PITPNB: variants seen among roughly 807,000 people sequenced by gnomAD.
PITPNB encodes phosphatidylinositol transfer protein beta isoform.
PITPNB carries 16 observed loss-of-function variants against 45.9 expected under a neutral mutation model. The ratio of observed to expected loss-of-function variants is 0.35; its 90% CI spans 0.24 to 0.53. The LOEUF (loss-of-function observed/expected upper bound fraction) is 0.53, where lower values mean the gene tolerates loss of function less well. Among genes scored for constraint, PITPNB ranks in the 20% least tolerant of loss-of-function variants. The probability of loss-of-function intolerance (pLI) is 0.93; values close to 1 mark genes in which losing one functional copy is unlikely to be tolerated. For synonymous variants in PITPNB, 112 were observed against 108.9 expected (o/e 1.03, Z -0.18); for missense variants, 188 against 330.5 (o/e 0.57, Z 3.34).
At position 27,859,828 on chromosome 22, in the gene PITPNB, G is replaced by A. The variant is rs116256381; in HGVS notation, c.645+303C>T. Reference sequence around the variant, plus strand: ...CCCTCCAGTCAGGATCAGAACACCAGGTCCTCTTGGGGACGTGCTGTATGG... The same window carrying A: ...CCCTCCAGTCAGGATCAGAACACCAAGTCCTCTTGGGGACGTGCTGTATGG... On this transcript the variant is annotated intron_variant, in intron 9 of 11. Coordinates refer to ENST00000335272, the MANE Select transcript of PITPNB (RefSeq NM_012399.5). Among the ~76,000 whole-genome samples the A allele has an allele frequency of 6.8e-3, 1,036 of 152,280 alleles. 7 individuals carry two copies. The highest frequency in any genetic ancestry group is 0.023 in the African/African-American group (941 of 41,550).
At chr22:27,914,294 A>G (rs766194764) in intron 2 of PITPNB, 23 bp downstream of exon 2, 3 of 1,528,340 alleles carry the variant, frequency 2.0e-6, no homozygotes, top group African/African-American at 2.7e-5. Context: ...CAATAAAATG[A>G]TGCAGAAGCA....
At chr22:27,917,563 T>C (rs1437608052) in intron 1 of PITPNB, among the ~76,000 whole-genome samples, 1 of 152,184 alleles carries the variant, frequency 6.6e-6, no homozygotes, top group Admixed American at 6.5e-5. Flanking sequence ...GTACTATAAA[T>C]AAGCTTTAAT....
intron 7 of PITPNB, among the ~76,000 whole-genome samples, chr22:27,880,499 C>T (rs1444925913): frequency 6.6e-6 from 1 of 152,136 alleles, no homozygotes; most frequent in Non-Finnish European, 1.5e-5. Flanking sequence ...TATTCACACC[C>T]CCATCACCTC....
At chr22:27,881,431 A>G (rs1346450334) in intron 7 of PITPNB, among the ~76,000 whole-genome samples, 4 of 152,218 alleles carry the variant, frequency 2.6e-5, no homozygotes, top group African/African-American at 7.2e-5. Flanking sequence ...CACCCTAGTG[A>G]TAAGTAACAC....
Position 27,858,458 on chromosome 22 carries a change from C to A in PITPNB, c.697G>T (p.Asp233Tyr). 6.2e-7 allele frequency: 1 copy of A among 1,610,868 alleles called. No individual in the cohort carries two copies. Among genetic ancestry groups the A allele is most frequent in the South Asian group, 1.1e-5 (1 of 90,596 alleles). Residue 233 changes from aspartate to tyrosine, a missense_variant, in exon 10 of 12, where the codon GAC (aspartate) becomes TAC (tyrosine). By Grantham distance (160) the Asp-to-Tyr change is radical. Transcript: ENST00000335272. ...NFHRQLFCWIDKWIDLTMEDI... is the reference protein window; with the variant it reads ...NFHRQLFCWIYKWIDLTMEDI... Reference sequence around the variant, plus strand: ...TCCATCGTGAGATCGATCCACTTGTCAATCCAACAAAAAAGCTGGCGATGG... The same window carrying A: ...TCCATCGTGAGATCGATCCACTTGTAAATCCAACAAAAAAGCTGGCGATGG...
intron 3 of PITPNB, among the ~76,000 whole-genome samples, chr22:27,898,486 T>C (rs940041396): frequency 3.3e-5 from 5 of 151,490 alleles, no homozygotes; most frequent in African/African-American, 9.7e-5. Flanking sequence ...ACTACCCCAA[T>C]GTAAAACCTA....
intron 7 of PITPNB, among the ~76,000 whole-genome samples, chr22:27,892,372 C>G (rs745622675): frequency 1.3e-5 from 2 of 152,174 alleles, no homozygotes; most frequent in African/African-American, 2.4e-5. Flanking sequence ...CCAGCAAAAC[C>G]AAAGGTATCT....
chr22:27,856,606 AC>A (rs1934181222), intron 10 of PITPNB, among the ~76,000 whole-genome samples: 2 of 152,078 alleles, frequency 1.3e-5, no homozygotes, highest in African/African-American at 4.8e-5. Flanking sequence ...AATGGTAACT[AC>A]TCTTCCCCAT....
At chr22:27,881,685 G>A (rs905655533) in intron 7 of PITPNB, among the ~76,000 whole-genome samples, 1 of 152,216 alleles carries the variant, frequency 6.6e-6, no homozygotes, top group Non-Finnish European at 1.5e-5. Context: ...CCCTTCTTAG[G>A]AAATAAGCAG....
At chr22:27,909,335 G>A (rs1935853230) in intron 3 of PITPNB, among the ~76,000 whole-genome samples, 1 of 150,570 alleles carries the variant, frequency 6.6e-6, no homozygotes, top group African/African-American at 2.4e-5. Flanking sequence ...CCAAGTTCTG[G>A]GATTATAGGC....
At chr22:27,899,643 G>A (rs545866786) in intron 3 of PITPNB, among the ~76,000 whole-genome samples, 1 of 152,086 alleles carries the variant, frequency 6.6e-6, no homozygotes, top group African/African-American at 2.4e-5. Flanking sequence ...TTTTCAAATG[G>A]TGGAACAATT....
At chr22:27,862,317 C>T (rs1319707797) in intron 8 of PITPNB, among the ~76,000 whole-genome samples, 2 of 152,060 alleles carry the variant, frequency 1.3e-5, no homozygotes, top group Non-Finnish European at 2.9e-5. Context: ...TCTACCATGG[C>T]CCAGTTTTAA....
intron 7 of PITPNB, among the ~76,000 whole-genome samples, chr22:27,893,585 T>C: frequency 7.4e-6 from 1 of 135,862 alleles, no homozygotes. Flanking sequence ...GTCTAGCCTT[T>C]TTTTTTTTTT....
At chr22:27,879,812 T>C (rs1934917782) in intron 7 of PITPNB, among the ~76,000 whole-genome samples, 1 of 152,092 alleles carries the variant, frequency 6.6e-6, no homozygotes, top group Non-Finnish European at 1.5e-5. Flanking sequence ...TAAACTGAAA[T>C]GGGGGAAAAC....
chr22:27,899,901 A>G (rs933580570), intron 3 of PITPNB, among the ~76,000 whole-genome samples: 3 of 152,144 alleles, frequency 2.0e-5, no homozygotes, highest in African/African-American at 7.2e-5. Context: ...TCAGCTGGTC[A>G]ACTTAGAAAA....
At chr22:27,879,042 T>C (rs1934895916) in intron 7 of PITPNB, among the ~76,000 whole-genome samples, 1 of 152,156 alleles carries the variant, frequency 6.6e-6, no homozygotes, top group African/African-American at 2.4e-5. Context: ...CTTTTTTTTT[T>C]TGGTAATCTT....
chr22:27,914,008 A>T (rs771930062), intron 2 of PITPNB, among the ~76,000 whole-genome samples: 1 of 152,244 alleles, frequency 6.6e-6, no homozygotes, highest in African/African-American at 2.4e-5. Flanking sequence ...AAGCTACTTA[A>T]CCTTAAAGTA....
At chr22:27,890,549 T>G (rs1460787521) in intron 7 of PITPNB, among the ~76,000 whole-genome samples, 1 of 152,092 alleles carries the variant, frequency 6.6e-6, no homozygotes, top group Admixed American at 6.5e-5. Context: ...GCGCGGTGGC[T>G]CATGCCTGTA....
At chr22:27,863,714 G>A (rs1046799138) in intron 8 of PITPNB, among the ~76,000 whole-genome samples, 1 of 152,186 alleles carries the variant, frequency 6.6e-6, no homozygotes, top group African/African-American at 2.4e-5. Flanking sequence ...GTGGGATGAA[G>A]CATGGTTCTA....
Sources: gnomAD v4.1 joint callset for allele counts (sites outside exome capture counted in the v4.1 genomes callset) on GRCh38, gnomAD v4.1.1 for gene constraint, MANE v1.5 for transcripts, NCBI Gene and HGNC (gene_info 2026-07-23, HGNC 2026-07-21) for gene names.